AK8: variants seen among roughly 807,000 people sequenced by gnomAD.
The protein encoded by AK8 is adenylate kinase 8, also known as ATP-AMP transphosphorylase 8.
In AK8, 44 loss-of-function variants were observed where a neutral mutation model predicts 54.6. The ratio of observed to expected loss-of-function variants is 0.81; its 90% confidence interval spans 0.63 to 1.04. AK8 has a LOEUF of 1.04. Ranked by LOEUF, AK8 falls within the 50% of genes least tolerant of loss-of-function variation. AK8 has a pLI of 0.00. For missense variants in AK8, 555 were observed against 613.6 expected, an observed-to-expected ratio of 0.90 and a Z score of 1.01; for synonymous variants, 239 against 245.6, an observed-to-expected ratio of 0.97 and a Z score of 0.25.
At chr9:132,811,613 T>C (rs1449165621) in intron 10 of AK8, among the ~76,000 whole-genome samples, 1 of 152,206 alleles carries the variant, frequency 6.6e-6, no homozygotes, top group Non-Finnish European at 1.5e-5. Flanking sequence ...ATGACATTTG[T>C]TATGAAGTAA....
chr9:132,867,723 C>G (rs1439769858), intron 2 of AK8, among the ~76,000 whole-genome samples: 1 of 152,268 alleles, frequency 6.6e-6, no homozygotes, highest in Non-Finnish European at 1.5e-5. Context: ...GTGGCCCTTT[C>G]TCTGTTCTAG....
chr9:132,874,978 G>C, intron 2 of AK8, 137 bp downstream of exon 2: 1 of 1,106,052 alleles, frequency 9.0e-7, no homozygotes, highest in Non-Finnish European at 1.3e-6. Flanking sequence ...AGGACAGAAT[G>C]GTGCTCAGCT....
rs556677477 is a variant in AK8 at position 132,832,636 on chromosome 9, C to T, written c.403-3910G>A. On this transcript the variant is annotated intron_variant, in intron 5 of 12. Coordinates refer to ENST00000298545, the MANE Select transcript of AK8 (RefSeq NM_152572.3). ...ATCTTTGCTCAGCACTGAAAAAGGC[C>T]TCTGCTTTTAATATTGCATTACTGA... Among the ~76,000 whole-genome samples, 3 of 152,296 alleles carry T rather than the reference C, an allele frequency of 2.0e-5. No homozygotes were observed. The East Asian group carries it at 5.8e-4, about 29-fold the overall frequency.
At chr9:132,736,593 C>T (rs1241469571) in intron 11 of AK8, among the ~76,000 whole-genome samples, 3 of 150,802 alleles carry the variant, frequency 2.0e-5, no homozygotes, top group Admixed American at 6.6e-5. Flanking sequence ...CTCAGGAGAT[C>T]GAGACCACAG....
intron 11 of AK8, among the ~76,000 whole-genome samples, chr9:132,785,441 T>C (rs1839653532): frequency 2.0e-5 from 3 of 152,206 alleles, no homozygotes; most frequent in Admixed American, 2.0e-4. Flanking sequence ...TTCTGCTGCA[T>C]TTCAAAATCA....
At position 132,760,491 on chromosome 9, in the gene AK8, A is replaced by G. The variant is rs867831550; in HGVS notation, c.1121+32143T>C. On this transcript the variant is annotated intron_variant, in intron 11 of 12. Coordinates refer to ENST00000298545, the MANE Select transcript of AK8 (RefSeq NM_152572.3). ...ACTAAAACTATTATGTACTCCATAA[A>G]TTCTTTGGGGCTTTCTTAATGTAGA... Among the ~76,000 whole-genome samples, 45 of 152,218 alleles carry G rather than the reference A, an allele frequency of 3.0e-4. 2 individuals carry two copies. Among genetic ancestry groups the G allele is most frequent in the Middle Eastern group, 3.2e-3 (1 of 316 alleles).
At chr9:132,811,498 T>C (rs565107918) in intron 10 of AK8, among the ~76,000 whole-genome samples, 1 of 152,350 alleles carries the variant, frequency 6.6e-6, no homozygotes, top group Admixed American at 6.5e-5. Context: ...GGCAAGGAAG[T>C]AAATCCTCTC....
At chr9:132,763,983 T>A (rs1453259413) in intron 11 of AK8, among the ~76,000 whole-genome samples, 1 of 152,070 alleles carries the variant, frequency 6.6e-6, no homozygotes, top group Non-Finnish European at 1.5e-5. Flanking sequence ...CAACCCCACA[T>A]GAGTACAAGA....
intron 11 of AK8, among the ~76,000 whole-genome samples, chr9:132,784,159 G>A (rs1480861539): frequency 6.6e-6 from 1 of 152,202 alleles, no homozygotes; most frequent in Non-Finnish European, 1.5e-5. Context: ...AAGAGAAAGA[G>A]AAGGGGGTAG....
At chr9:132,873,836 G>T (rs1170174656) in intron 2 of AK8, among the ~76,000 whole-genome samples, 10 of 152,174 alleles carry the variant, frequency 6.6e-5, no homozygotes, top group African/African-American at 2.4e-4. Flanking sequence ...CAGGAGCGCA[G>T]GGTAGGCTTA....
At chr9:132,753,878 C>A (rs1838064297) in intron 11 of AK8, among the ~76,000 whole-genome samples, 1 of 152,226 alleles carries the variant, frequency 6.6e-6, no homozygotes, top group African/African-American at 2.4e-5. Context: ...CCAGTCTTTC[C>A]ACTGCCGTCT....
chr9:132,741,431 G>C (rs144418511), intron 11 of AK8, among the ~76,000 whole-genome samples: 3 of 152,154 alleles, frequency 2.0e-5, no homozygotes, highest in Admixed American at 2.0e-4. Flanking sequence ...CACTGAAGTC[G>C]CTCTGTTTGG....
intron 11 of AK8, among the ~76,000 whole-genome samples, chr9:132,777,589 A>G (rs7861523): frequency 2.3e-4 from 35 of 152,020 alleles, no homozygotes; most frequent in African/African-American, 8.0e-4. Context: ...ACCCATACAT[A>G]TTTTCCCAGC....
At position 132,746,516 on chromosome 9, in the gene AK8, G is replaced by A. The variant is rs185865680; in HGVS notation, c.1122-18982C>T. The stretch of plus-strand genomic sequence containing the variant: ...CACTAACCCGTGGCCTTAGCATCGA[G>A]GCTGATATGTGATAATCACCCAATT... On this transcript the variant is annotated intron_variant, in intron 11 of 12. Coordinates refer to ENST00000298545, the MANE Select transcript of AK8 (RefSeq NM_152572.3). 3.0e-4 allele frequency among the ~76,000 whole-genome samples: 46 copies of A among 152,318 alleles called. No individual in the cohort carries two copies. The East Asian group carries it at 3.1e-3, about 10-fold the overall frequency.
In AK8 at chr9:132,866,152, C is replaced by G. The variant is rs774383930; in HGVS notation, c.219+752G>C. On this transcript the variant is annotated intron_variant, in intron 3 of 12. Coordinates refer to ENST00000298545, the MANE Select transcript of AK8 (RefSeq NM_152572.3). ...GGCAGAGGTTGCAGTGAGCCCAGAT[C>G]GCACCACTGCATTCCAGCCTGTGTG... Among the ~76,000 whole-genome samples the G allele has an allele frequency of 5.9e-5, 9 of 152,150 alleles. 1 individual carries two copies. The highest frequency in any genetic ancestry group is 2.9e-5 in the Non-Finnish European group (2 of 68,042).
chr9:132,750,710 C>T (rs890365818), intron 11 of AK8, among the ~76,000 whole-genome samples: 1 of 152,028 alleles, frequency 6.6e-6, no homozygotes, highest in African/African-American at 2.4e-5. Flanking sequence ...CCCATGAGAG[C>T]AACTTCAGAG....
chr9:132,758,003 C>T (rs773958530), intron 11 of AK8, among the ~76,000 whole-genome samples: 2 of 152,248 alleles, frequency 1.3e-5, no homozygotes, highest in African/African-American at 4.8e-5. Context: ...TCCCTCACAT[C>T]GCTGTCCTGA....
chr9:132,762,605 A>G (rs1451823346), intron 11 of AK8, among the ~76,000 whole-genome samples: 1 of 152,178 alleles, frequency 6.6e-6, no homozygotes, highest in Non-Finnish European at 1.5e-5. Flanking sequence ...AACCCTGGTG[A>G]GCAAAGAAAC....
chr9:132,826,769 C>A lies in AK8; in HGVS notation c.757+85G>T. 3 of 1,470,074 alleles carry A rather than the reference C, an allele frequency of 2.0e-6. No individual in the cohort carries two copies. The highest frequency in any genetic ancestry group is 1.2e-5 in the South Asian group (1 of 84,662). 91.1% of individuals were successfully genotyped at this position (1,470,074 alleles called of 1,614,324 possible). ...GCATGTCCCAGACACTGGCCACTAC[C>A]AGAATAAGGGACAAAGTGGTAGAAG... is the stretch of plus-strand genomic sequence containing the variant. On this transcript the variant is annotated intron_variant, in intron 8 of 12. Coordinates refer to ENST00000298545, the MANE Select transcript of AK8 (RefSeq NM_152572.3). This position sits in a 1 kb window ranked among gnomAD's most constrained non-coding sequence, Gnocchi z 4.5.
Sources: allele counts gnomAD v4.1 joint callset (sites outside exome capture counted in the v4.1 genomes callset), GRCh38; gene constraint gnomAD v4.1.1; non-coding constraint Gnocchi (gnomAD v3.1); transcripts MANE v1.5; gene names NCBI Gene and HGNC (gene_info 2026-07-23, HGNC 2026-07-21).